The following ST6GALNAC3 variants were observed in gnomAD, a reference collection of about 807,000 sequenced individuals.
ST6GALNAC3 encodes the protein ST6 N-acetylgalactosaminide alpha-2,6-sialyltransferase 3.
Under a neutral mutation model 32.7 loss-of-function variants are expected in ST6GALNAC3, and 25 were observed. The observed-to-expected ratio is 0.76, with a 90% CI of 0.56 to 1.07. The LOEUF (loss-of-function observed/expected upper bound fraction) is 1.07. Among genes scored for constraint, ST6GALNAC3 ranks in the 50% least tolerant of loss-of-function variants. The probability of loss-of-function intolerance (pLI) is 0.00; values close to 1 mark genes in which losing one functional copy is unlikely to be tolerated. For missense variants in ST6GALNAC3, 355 were observed against 382.4 expected (o/e 0.93, Z 0.60); for synonymous variants, 129 against 133.1 (o/e 0.97, Z 0.21).
In ST6GALNAC3 at chr1:76,444,508, G is replaced by A. The variant is rs74730513; in HGVS notation, c.623+32091G>A. ...TTTTCCTTAAGAAGCAAATTAAAAC[G>A]TGAAAAAGAATAAATGAGAAACTAA... On this transcript the variant is annotated intron_variant, in intron 3 of 4. Transcript: ENST00000328299. Among the ~76,000 whole-genome samples the A allele has an allele frequency of 1.0e-2, 1,516 of 152,276 alleles. 28 individuals are homozygous for A. The highest frequency in any genetic ancestry group is 0.035 in the African/African-American group (1,434 of 41,554).
chr1:76,547,727 G>C (rs116617287), intron 3 of ST6GALNAC3, among the ~76,000 whole-genome samples: 1 of 152,142 alleles, frequency 6.6e-6, no homozygotes, highest in East Asian at 1.9e-4. Flanking sequence ...GGTGGCAGGT[G>C]CCTGTACTCT....
intron 1 of ST6GALNAC3, 91 bp downstream of exon 1, chr1:76,074,975 C>T: frequency 2.7e-6 from 4 of 1,477,762 alleles, no homozygotes; most frequent in East Asian, 5.0e-5. Flanking sequence ...ACCGCATCCT[C>T]ATCTCAGTTG....
chr1:76,129,010 G>A (rs755038325), intron 1 of ST6GALNAC3, among the ~76,000 whole-genome samples: 7 of 152,210 alleles, frequency 4.6e-5, no homozygotes, highest in Non-Finnish European at 7.3e-5. Flanking sequence ...TACCACCTCT[G>A]CAGGAACACA....
chr1:76,431,509 T>A (rs1339620452), intron 3 of ST6GALNAC3, among the ~76,000 whole-genome samples: 1 of 152,192 alleles, frequency 6.6e-6, no homozygotes, highest in Non-Finnish European at 1.5e-5. Flanking sequence ...TTTCTTTCTG[T>A]CTCTCAGTTC....
At chr1:76,344,422 A>AT (rs1648322151) in intron 2 of ST6GALNAC3, among the ~76,000 whole-genome samples, 4 of 151,784 alleles carry the variant, frequency 2.6e-5, no homozygotes, top group African/African-American at 9.7e-5. Flanking sequence ...TCCCTGCATT[A>AT]TTTTTTTCTC....
chr1:76,570,023 A>C (rs1182271826), intron 3 of ST6GALNAC3, among the ~76,000 whole-genome samples: 1 of 152,148 alleles, frequency 6.6e-6, no homozygotes, highest in East Asian at 1.9e-4. Context: ...ATCTGAGGCT[A>C]GGTGTGAAGC....
intron 1 of ST6GALNAC3, among the ~76,000 whole-genome samples, chr1:76,185,694 G>A (rs935164537): frequency 1.2e-4 from 19 of 152,274 alleles, no homozygotes; most frequent in Middle Eastern, 3.4e-3. Flanking sequence ...CATTGTGCTG[G>A]CATTAGGGAC....
chr1:76,585,158 G>A (rs1011845061), intron 3 of ST6GALNAC3, among the ~76,000 whole-genome samples: 9 of 152,120 alleles, frequency 5.9e-5, no homozygotes, highest in Non-Finnish European at 1.3e-4. Context: ...GCCGAGGCAG[G>A]CGGATCACCT....
intron 2 of ST6GALNAC3, among the ~76,000 whole-genome samples, chr1:76,343,011 C>G (rs1333899261): frequency 6.6e-6 from 1 of 152,056 alleles, no homozygotes; most frequent in Admixed American, 6.6e-5. Context: ...TATTTTCTCT[C>G]ATTTTGTAGG....
At chr1:76,234,662 A>G (rs1656550235) in intron 1 of ST6GALNAC3, among the ~76,000 whole-genome samples, 1 of 152,188 alleles carries the variant, frequency 6.6e-6, no homozygotes, top group Non-Finnish European at 1.5e-5. Context: ...AATCTTCAAA[A>G]CACATTTTTT....
chr1:76,244,611 C>T (rs1039095596), intron 1 of ST6GALNAC3, among the ~76,000 whole-genome samples: 4 of 151,790 alleles, frequency 2.6e-5, no homozygotes, highest in Admixed American at 6.6e-5. Context: ...TATTGAGATA[C>T]GTTCCGTCAA....
At chr1:76,262,759 G>A (rs1242437413) in intron 1 of ST6GALNAC3, among the ~76,000 whole-genome samples, 1 of 152,176 alleles carries the variant, frequency 6.6e-6, no homozygotes, top group East Asian at 1.9e-4. Flanking sequence ...GGAGTGGGGA[G>A]CATGGTTCAT....
chr1:76,635,605 C>A (rs1649485347), downstream of ST6GALNAC3, among the ~76,000 whole-genome samples: 1 of 152,244 alleles, frequency 6.6e-6, no homozygotes, highest in African/African-American at 2.4e-5. Flanking sequence ...TAAATGTAAC[C>A]AATAACCCCC....
At chr1:76,543,901 C>G (rs1388050691) in intron 3 of ST6GALNAC3, among the ~76,000 whole-genome samples, 1 of 152,062 alleles carries the variant, frequency 6.6e-6, no homozygotes, top group African/African-American at 2.4e-5. Context: ...AAGTAAAGAT[C>G]ATTAATTTTT....
chr1:76,269,008 A>T (rs1293589410), intron 1 of ST6GALNAC3, among the ~76,000 whole-genome samples: 1 of 152,006 alleles, frequency 6.6e-6, no homozygotes, highest in Non-Finnish European at 1.5e-5. Flanking sequence ...CATGGCATTT[A>T]ATGTTATTAC....
intron 2 of ST6GALNAC3, among the ~76,000 whole-genome samples, chr1:76,325,737 A>T (rs1647055367): frequency 6.7e-6 from 1 of 149,886 alleles, no homozygotes; most frequent in South Asian, 2.1e-4. Flanking sequence ...TTATTTTTAC[A>T]ATTATTATTA....
intron 1 of ST6GALNAC3, among the ~76,000 whole-genome samples, chr1:76,265,627 A>G (rs900258062): frequency 6.6e-6 from 1 of 152,220 alleles, no homozygotes; most frequent in Non-Finnish European, 1.5e-5. Flanking sequence ...TCTTTTATTT[A>G]TCACAGAATG....
chr1:76,170,987 T>C (rs1652455117), intron 1 of ST6GALNAC3, among the ~76,000 whole-genome samples: 1 of 152,188 alleles, frequency 6.6e-6, no homozygotes, highest in South Asian at 2.1e-4. Flanking sequence ...CTGCCAAATA[T>C]TTTGGAAAAA....
At chr1:76,151,399 GA>G (rs1162497562) in intron 1 of ST6GALNAC3, among the ~76,000 whole-genome samples, 6 of 152,210 alleles carry the variant, frequency 3.9e-5, no homozygotes, top group African/African-American at 1.4e-4. Context: ...CAGGCCATTT[GA>G]AAAGGTTTAG....
Sources: gnomAD v4.1 joint callset for allele counts (sites outside exome capture counted in the v4.1 genomes callset) on GRCh38, gnomAD v4.1.1 for gene constraint, MANE v1.5 for transcripts, NCBI Gene and HGNC (gene_info 2026-07-23, HGNC 2026-07-21) for gene names.